The following STXBP4 variants were observed in gnomAD, a reference collection of about 807,000 sequenced individuals.
The protein encoded by STXBP4 is syntaxin binding protein 4.
Under a neutral mutation model 76.1 loss-of-function variants are expected in STXBP4, and 55 were observed. The ratio of observed to expected loss-of-function variants is 0.72; its 90% CI spans 0.58 to 0.91. The LOEUF is 0.91. Among genes scored for constraint, STXBP4 ranks in the 40% least tolerant of loss-of-function variants. STXBP4 has a pLI of 0.00. For synonymous variants in STXBP4, 201 were observed against 220.2 expected (o/e 0.91, Z 0.77); for missense variants, 618 against 636.9 (o/e 0.97, Z 0.32).
intron 11 of STXBP4, among the ~76,000 whole-genome samples, chr17:55,045,078 A>G (rs2078767072): frequency 6.6e-6 from 1 of 152,100 alleles, no homozygotes; most frequent in Non-Finnish European, 1.5e-5. Flanking sequence ...TATACACAGA[A>G]TGAATGTCTG....
intron 11 of STXBP4, among the ~76,000 whole-genome samples, chr17:55,046,523 C>T (rs1002893580): frequency 5.3e-5 from 8 of 151,696 alleles, no homozygotes; most frequent in South Asian, 2.1e-4. Context: ...AAATGGACAT[C>T]GTAGGGTATA....
chr17:55,071,402 C>T (rs1189817003), intron 12 of STXBP4, among the ~76,000 whole-genome samples: 1 of 152,172 alleles, frequency 6.6e-6, no homozygotes, highest in Non-Finnish European at 1.5e-5. Flanking sequence ...ACACTGGCTT[C>T]CTTGCTGTTC....
At chr17:55,073,455 T>C (rs1438756428) in intron 13 of STXBP4, among the ~76,000 whole-genome samples, 1 of 152,204 alleles carries the variant, frequency 6.6e-6, no homozygotes, top group Non-Finnish European at 1.5e-5. Context: ...GCTCTTTGAT[T>C]AGAGCATTCA....
In STXBP4 at chr17:55,078,675, T is replaced by C. The variant is rs760662865; in HGVS notation, c.1306-11T>C. ...CTGATATATCTCCTTCACCATCTTG[T>C]TTGTTGCTAGGCTATTCAAGAAGTA... On this transcript the variant is annotated splice_polypyrimidine_tract_variant and intron_variant, in intron 14 of 17. Coordinates refer to ENST00000376352, the MANE Select transcript of STXBP4 (RefSeq NM_178509.6). 4 of 1,530,654 alleles carry C rather than the reference T, an allele frequency of 2.6e-6. No individual in the cohort carries two copies. The highest frequency in any genetic ancestry group is 3.6e-6 in the Non-Finnish European group (4 of 1,110,280). The allele number at this position is 1,530,654 out of a possible 1,614,324, so 94.8% of individuals were successfully genotyped here.
chr17:55,000,229 C>T (rs1846541523), intron 6 of STXBP4: 1 of 985,262 alleles, frequency 1.0e-6, no homozygotes, highest in Admixed American at 6.2e-5. Flanking sequence ...CTTTCCCACA[C>T]AGTGAGGCTA....
At chr17:55,181,853 G>A in the STXBP4 span, among the ~76,000 whole-genome samples, 778 of 152,234 alleles carry the variant, frequency 5.1e-3, 3 homozygotes, top group Non-Finnish European at 8.0e-3. Context: ...ATTCATTAGC[G>A]TTAAAGAGAC....
intron 16 of STXBP4, among the ~76,000 whole-genome samples, chr17:55,100,701 T>C (rs941780844): frequency 3.3e-5 from 5 of 152,186 alleles, no homozygotes; most frequent in Non-Finnish European, 5.9e-5. Flanking sequence ...TTGGGTGGTT[T>C]CCATGATTCC....
intron 3 of STXBP4, among the ~76,000 whole-genome samples, chr17:54,986,935 T>A (rs767826170): frequency 2.0e-5 from 3 of 152,214 alleles, no homozygotes; most frequent in Non-Finnish European, 4.4e-5. Context: ...GGCAGAGGTC[T>A]CTGTAGAACT....
intron 8 of STXBP4, among the ~76,000 whole-genome samples, chr17:55,015,199 G>C (rs1049109881): frequency 6.6e-6 from 1 of 152,164 alleles, no homozygotes; most frequent in African/African-American, 2.4e-5. Flanking sequence ...TGTTATAGTG[G>C]ACATCAGTGA....
chr17:55,070,827 A>G (rs970085645), intron 12 of STXBP4, among the ~76,000 whole-genome samples: 17 of 151,756 alleles, frequency 1.1e-4, no homozygotes, highest in African/African-American at 4.1e-4. Context: ...CTTTATTCAC[A>G]TGGTTCTCTT....
At chr17:55,145,087 T>C (rs991116914) in intron 17 of STXBP4, among the ~76,000 whole-genome samples, 5 of 152,222 alleles carry the variant, frequency 3.3e-5, no homozygotes, top group African/African-American at 4.8e-5. Context: ...CTTAGCTGCA[T>C]TCAACTAGGT....
At chr17:55,084,081 G>C (rs1470370887) in intron 16 of STXBP4, among the ~76,000 whole-genome samples, 5 of 152,068 alleles carry the variant, frequency 3.3e-5, no homozygotes, top group Non-Finnish European at 5.9e-5. Context: ...GGTTGAACTA[G>C]TTTACAGTCC....
intron 17 of STXBP4, among the ~76,000 whole-genome samples, chr17:55,144,760 A>C (rs938326771): frequency 5.3e-5 from 8 of 152,262 alleles, no homozygotes; most frequent in Admixed American, 6.5e-5. Flanking sequence ...CAGGAAGGCC[A>C]TCTGGTATCA....
chr17:55,033,404 A>G (rs968072691), intron 9 of STXBP4, among the ~76,000 whole-genome samples: 7 of 151,976 alleles, frequency 4.6e-5, no homozygotes, highest in Admixed American at 6.6e-5. Flanking sequence ...AAATAAAATA[A>G]ATAAATAAAT....
intron 7 of STXBP4, among the ~76,000 whole-genome samples, chr17:55,005,725 T>C (rs1043839855): frequency 1.3e-5 from 2 of 152,170 alleles, no homozygotes; most frequent in African/African-American, 2.4e-5. Context: ...TCAGGTTCAC[T>C]TGGGTCCACC....
At chr17:54,980,828 A>G (rs989422418) in intron 1 of STXBP4, among the ~76,000 whole-genome samples, 2 of 152,222 alleles carry the variant, frequency 1.3e-5, no homozygotes, top group Non-Finnish European at 2.9e-5. Flanking sequence ...CACAGTAGAA[A>G]CAGGCTTGTC....
chr17:55,044,865 C>G (rs1490062152), intron 11 of STXBP4: 1 of 150,830 alleles, frequency 6.6e-6, no homozygotes, highest in Non-Finnish European at 1.5e-5. Context: ...TTTTCTCTCT[C>G]TCTCTCTTTA....
At chr17:55,102,542 T>C (rs1268240150) in intron 16 of STXBP4, among the ~76,000 whole-genome samples, 1 of 152,204 alleles carries the variant, frequency 6.6e-6, no homozygotes, top group Non-Finnish European at 1.5e-5. Flanking sequence ...GGCATTTCGA[T>C]TGGTTCCAAG....
At chr17:55,107,683 G>A (rs954714348) in intron 16 of STXBP4, among the ~76,000 whole-genome samples, 2 of 152,180 alleles carry the variant, frequency 1.3e-5, no homozygotes, top group Admixed American at 6.5e-5. Flanking sequence ...CCCCTGTGCT[G>A]CAGGTCTGCT....
Sources: allele counts gnomAD v4.1 joint callset (sites outside exome capture counted in the v4.1 genomes callset), GRCh38; gene constraint gnomAD v4.1.1; transcripts MANE v1.5; gene names NCBI Gene and HGNC (gene_info 2026-07-23, HGNC 2026-07-21).